SORCS1: variants seen among roughly 807,000 people sequenced by gnomAD.
The protein encoded by SORCS1 is sortilin related VPS10 domain containing receptor 1.
SORCS1 carries 60 observed loss-of-function variants against 146.1 expected under a neutral mutation model. The observed-to-expected ratio is 0.41, with a 90% CI of 0.33 to 0.51. The LOEUF (loss-of-function observed/expected upper bound fraction) is 0.51. Among genes scored for constraint, SORCS1 ranks in the 20% least tolerant of loss-of-function variants. The pLI is 0.21. For synonymous variants in SORCS1, 637 were observed against 584.0 expected, an observed-to-expected ratio of 1.09 and a Z score of -1.31; for missense variants, 1,352 against 1,487.6, an observed-to-expected ratio of 0.91 and a Z score of 1.50.
Position 106,672,903 on chromosome 10 carries a change from C to T in SORCS1, c.2023G>A (p.Glu675Lys), listed in dbSNP as rs769932852. 30 of 1,614,014 alleles carry T rather than the reference C, an allele frequency of 1.9e-5. No homozygotes were observed. The highest frequency in any genetic ancestry group is 6.6e-5 in the South Asian group (6 of 91,082). ...YKSIFDRRCA[E>K]EDYRPWQLHS... ...AGCTGCCAAGGTCTGTAGTCCTCTT[C>T]GGCACACCGTCTATCAAAAATGGAC... The change falls in exon 15 of 26, where the codon GAA (glutamate) becomes AAA (lysine). Residue 675 changes from glutamate to lysine, a missense_variant. By Grantham distance (56) the Glu-to-Lys change is moderately conservative. Around this residue, in one of 3 missense-constraint regions of SORCS1, gnomAD observed 648 missense variants for 793.8 expected, o/e 0.82. Coordinates refer to ENST00000263054, the MANE Select transcript of SORCS1 (RefSeq NM_052918.5).
chr10:106,888,794 A>G (rs1188195201), intron 2 of SORCS1, among the ~76,000 whole-genome samples: 24 of 152,260 alleles, frequency 1.6e-4, no homozygotes, highest in Admixed American at 1.6e-3. Context: ...AGCTGGTAAG[A>G]GTAGGAGAAT....
intron 10 of SORCS1, among the ~76,000 whole-genome samples, chr10:106,686,459 G>A (rs1852849183): frequency 6.6e-6 from 1 of 152,156 alleles, no homozygotes; most frequent in South Asian, 2.1e-4. Context: ...GCAGAGTAGA[G>A]ACCAGCTTAA....
intron 24 of SORCS1, among the ~76,000 whole-genome samples, chr10:106,591,928 G>C (rs757062853): frequency 6.6e-6 from 1 of 152,186 alleles, no homozygotes; most frequent in Non-Finnish European, 1.5e-5. Context: ...GTACACTTTG[G>C]TCAAGACAGC....
intron 1 of SORCS1, among the ~76,000 whole-genome samples, chr10:106,971,347 T>C (rs776852012): frequency 1.3e-5 from 2 of 152,198 alleles, no homozygotes; most frequent in Non-Finnish European, 2.9e-5. Flanking sequence ...ATTCCAGTAT[T>C]TGTGGATCGT....
At chr10:107,136,614 A>T (rs1293403582) in intron 1 of SORCS1, among the ~76,000 whole-genome samples, 1 of 152,212 alleles carries the variant, frequency 6.6e-6, no homozygotes, top group Non-Finnish European at 1.5e-5. Flanking sequence ...CAAAGTGCTT[A>T]GGTACAGCAG....
intron 2 of SORCS1, among the ~76,000 whole-genome samples, chr10:106,832,603 T>C (rs924290043): frequency 6.6e-6 from 1 of 152,136 alleles, no homozygotes; most frequent in African/African-American, 2.4e-5. Context: ...TATCTCCTTT[T>C]ATTGTACAGT....
intron 1 of SORCS1, among the ~76,000 whole-genome samples, chr10:107,023,534 A>C (rs1020195168): frequency 6.6e-6 from 1 of 152,310 alleles, no homozygotes; most frequent in African/African-American, 2.4e-5. Flanking sequence ...GTGACATAAG[A>C]ATTTTTATAG....
At chr10:106,612,818 T>C (rs1404605410) in intron 21 of SORCS1, among the ~76,000 whole-genome samples, 1 of 152,112 alleles carries the variant, frequency 6.6e-6, no homozygotes, top group Non-Finnish European at 1.5e-5. Context: ...GGTTCTGCGC[T>C]CCTGGATAGT....
chr10:106,788,743 TGTTGA>T (rs1946178585), intron 3 of SORCS1, among the ~76,000 whole-genome samples: 1 of 152,130 alleles, frequency 6.6e-6, no homozygotes, highest in South Asian at 2.1e-4. Context: ...CATGGGCTGG[TGTTGA>T]GTGTCTGTGG....
chr10:106,830,592 TAAAAAAA>T (rs1948500195), intron 2 of SORCS1, among the ~76,000 whole-genome samples: 1 of 146,082 alleles, frequency 6.8e-6, no homozygotes, highest in Non-Finnish European at 1.5e-5. Flanking sequence ...TTTTTTTTTT[TAAAAAAA>T]TTTAAAGAAT....
At chr10:106,614,414 G>A (rs1427326869) in intron 21 of SORCS1, among the ~76,000 whole-genome samples, 1 of 152,160 alleles carries the variant, frequency 6.6e-6, no homozygotes, top group African/African-American at 2.4e-5. Context: ...ACTTTATAAG[G>A]TATGTTTTCG....
At chr10:106,710,918 G>T (rs771945273) in intron 6 of SORCS1, among the ~76,000 whole-genome samples, 1 of 152,132 alleles carries the variant, frequency 6.6e-6, no homozygotes, top group Non-Finnish European at 1.5e-5. Context: ...CTCAAAGCAC[G>T]TTCTAGATTT....
intron 5 of SORCS1, among the ~76,000 whole-genome samples, chr10:106,740,200 AT>A (rs903804722): frequency 6.6e-6 from 1 of 152,170 alleles, no homozygotes; most frequent in Non-Finnish European, 1.5e-5. Flanking sequence ...AGAAACTAAA[AT>A]CGGAGCAAAG....
chr10:106,808,866 C>A (rs1404834015), intron 3 of SORCS1, among the ~76,000 whole-genome samples: 1 of 152,136 alleles, frequency 6.6e-6, no homozygotes, highest in Non-Finnish European at 1.5e-5. Flanking sequence ...CCAGAGGACT[C>A]CACTACTTTC....
chr10:106,676,393 T>C (rs1852028152), intron 13 of SORCS1, among the ~76,000 whole-genome samples: 1 of 152,174 alleles, frequency 6.6e-6, no homozygotes, highest in Non-Finnish European at 1.5e-5. Flanking sequence ...AGAACTGTCA[T>C]GCACTGATCA....
At chr10:107,151,848 G>A (rs1278981575) in intron 1 of SORCS1, among the ~76,000 whole-genome samples, 1 of 152,138 alleles carries the variant, frequency 6.6e-6, no homozygotes, top group African/African-American at 2.4e-5. Context: ...AGAAATTCTG[G>A]GGGGAGAAAT....
At chr10:106,959,164 C>T (rs1474149328) in intron 1 of SORCS1, among the ~76,000 whole-genome samples, 5 of 152,122 alleles carry the variant, frequency 3.3e-5, no homozygotes, top group Non-Finnish European at 2.9e-5. Context: ...CCAGGGCAGG[C>T]GGGCAGGGAG....
At chr10:106,618,127 A>C (rs746634915) in intron 21 of SORCS1, 22 bp downstream of exon 21, 4 of 1,613,480 alleles carry the variant, frequency 2.5e-6, no homozygotes. Context: ...ACAGCAGTAG[A>C]TCCACTGAGA....
At chr10:106,953,483 T>C (rs754699751) in intron 2 of SORCS1, among the ~76,000 whole-genome samples, 31 of 151,910 alleles carry the variant, frequency 2.0e-4, no homozygotes, top group Non-Finnish European at 3.8e-4. Flanking sequence ...ATGGGTTGAA[T>C]TAACAGATCT....
Sources: gnomAD v4.1 joint callset for allele counts (sites outside exome capture counted in the v4.1 genomes callset) on GRCh38, gnomAD v4.1.1 for gene constraint, gnomAD v4.1.1 regional missense constraint, MANE v1.5 for transcripts, NCBI Gene and HGNC (gene_info 2026-07-23, HGNC 2026-07-21) for gene names.